The following DNAH14 variants were observed in gnomAD, a reference collection of about 807,000 sequenced individuals.
DNAH14 encodes dynein axonemal heavy chain 14.
In DNAH14, 478 loss-of-function variants were observed where a neutral mutation model predicts 520.9. That is an observed-to-expected ratio of 0.92 (90% CI 0.85 to 0.99). DNAH14 has a LOEUF of 0.99. Among genes scored for constraint, DNAH14 ranks in the 50% least tolerant of loss-of-function variants. The probability of loss-of-function intolerance (pLI) is 0.00; values close to 1 mark genes in which losing one functional copy is unlikely to be tolerated. For missense variants in DNAH14, 4,831 were observed against 5,234.5 expected, an observed-to-expected ratio of 0.92 and a Z score of 2.38; for synonymous variants, 1,581 against 1,757.2, an observed-to-expected ratio of 0.90 and a Z score of 2.51.
rs140044566 is a variant in DNAH14 at position 224,940,410 on chromosome 1, G to T, written c.-34+10575G>T. Among the ~76,000 whole-genome samples the T allele has an allele frequency of 4.4e-4, 67 of 152,150 alleles. No homozygotes were observed. In the Middle Eastern group the frequency reaches 0.014, roughly 31 times the overall value. On this transcript the variant is annotated intron_variant, in intron 1 of 85. Coordinates refer to ENST00000682510, the MANE Select transcript of DNAH14 (RefSeq NM_001367479.1). ...ATCCATGTATATCAATCAATTAATG[G>T]TGGTTATCTTTGGATACTGTGTATT...
chr1:225,173,930 A>T (rs1353814639), intron 36 of DNAH14, among the ~76,000 whole-genome samples: 1 of 152,264 alleles, frequency 6.6e-6, no homozygotes, highest in Admixed American at 6.5e-5. Flanking sequence ...CTATGCAGGC[A>T]TAAAAAAATG....
Position 225,398,512 on chromosome 1 carries a change from C to A in DNAH14, c.13492-8C>A. On this transcript the variant is annotated splice_region_variant and splice_polypyrimidine_tract_variant and intron_variant, in intron 84 of 85. Coordinates refer to ENST00000682510, the MANE Select transcript of DNAH14 (RefSeq NM_001367479.1). Reference sequence around the variant, plus strand: ...GGGATCCCTGACACCACCTCTCTTCCATCTTAGGGCTCAGCTTCCTCTCAC... The same window carrying A: ...GGGATCCCTGACACCACCTCTCTTCAATCTTAGGGCTCAGCTTCCTCTCAC... The A allele has an allele frequency of 6.4e-7, 1 of 1,551,382 alleles. No individual in the cohort carries two copies.
intron 8 of DNAH14, among the ~76,000 whole-genome samples, chr1:224,990,340 A>G (rs1041791671): frequency 2.6e-5 from 4 of 152,174 alleles, no homozygotes; most frequent in African/African-American, 9.7e-5. Flanking sequence ...ATTTACTCTT[A>G]GCACTTTTGA....
chr1:225,373,134 A>G (rs1047373694), intron 77 of DNAH14, among the ~76,000 whole-genome samples: 2 of 145,562 alleles, frequency 1.4e-5, no homozygotes, highest in African/African-American at 4.9e-5. Context: ...TGTATTGTCC[A>G]ATTGCGGCAC....
chr1:225,178,006 C>G (rs1282397887), intron 36 of DNAH14, among the ~76,000 whole-genome samples: 5 of 152,160 alleles, frequency 3.3e-5, no homozygotes, highest in Admixed American at 6.5e-5. Flanking sequence ...AGAAAAGAGG[C>G]TGTACCCTGC....
At chr1:225,205,868 C>T (rs1228105154) in intron 39 of DNAH14, 103 bp from the exon 40 acceptor site, 2 of 927,742 alleles carry the variant, frequency 2.2e-6, no homozygotes, top group African/African-American at 1.7e-5. Context: ...GGATATCTTT[C>T]CTCTTAGAAA....
chr1:225,196,745 T>C (rs1168459661), intron 38 of DNAH14, among the ~76,000 whole-genome samples: 1 of 152,234 alleles, frequency 6.6e-6, no homozygotes, highest in Non-Finnish European at 1.5e-5. Context: ...GGTTTTGATT[T>C]GCATTACCCT....
In DNAH14 at chr1:225,337,284, C is replaced by T. The variant is rs774697565; in HGVS notation, c.10099C>T (p.Gln3367Ter). The T allele has an allele frequency of 6.4e-7, 1 of 1,551,812 alleles. No individual in the cohort carries two copies. Among genetic ancestry groups the T allele is most frequent in the Non-Finnish European group, 8.7e-7 (1 of 1,146,894 alleles). ...ATTGCAGATCAGCCGATGGCATAAT[C>T]AGGGACTGCCTCATGGTCAGTATTC... ...QKYEISRWHN[Q>*]GLPHGQYSVE... The change falls in exon 67 of 86, where the codon CAG becomes TAG. Residue 3367 changes from glutamine (Q) to a stop codon, truncating the protein, a stop_gained. Transcript: ENST00000682510. LOFTEE classifies it high-confidence loss of function.
intron 1 of DNAH14, among the ~76,000 whole-genome samples, chr1:224,934,293 A>G (rs1247680517): frequency 6.6e-6 from 1 of 152,018 alleles, no homozygotes; most frequent in Non-Finnish European, 1.5e-5. Flanking sequence ...CAGAAGAATA[A>G]TTTAGGACAT....
At chr1:225,346,993 A>G (rs2095295428) in intron 71 of DNAH14, among the ~76,000 whole-genome samples, 1 of 152,218 alleles carries the variant, frequency 6.6e-6, no homozygotes, top group East Asian at 1.9e-4. Flanking sequence ...ACCTGGTTGA[A>G]AATTTGAAAC....
chr1:225,197,217 A>T (rs902188666), intron 38 of DNAH14, among the ~76,000 whole-genome samples: 4 of 152,152 alleles, frequency 2.6e-5, no homozygotes, highest in Non-Finnish European at 4.4e-5. Context: ...TGATTTTTAT[A>T]TAAGGTGAGA....
intron 6 of DNAH14, among the ~76,000 whole-genome samples, chr1:224,968,250 T>G (rs1431322798): frequency 6.6e-6 from 1 of 152,116 alleles, no homozygotes; most frequent in African/African-American, 2.4e-5. Flanking sequence ...TATGTATACT[T>G]TTCTCTCTGG....
At chr1:224,947,948 T>C (rs1476773290) in intron 1 of DNAH14, among the ~76,000 whole-genome samples, 1 of 152,112 alleles carries the variant, frequency 6.6e-6, no homozygotes, top group Non-Finnish European at 1.5e-5. Context: ...TATGATCCAG[T>C]AGGTGGTTGA....
chr1:225,147,287 T>G, intron 31 of DNAH14, 38 bp downstream of exon 31: 9 of 1,499,198 alleles, frequency 6.0e-6, no homozygotes, highest in Non-Finnish European at 8.0e-6. Context: ...TGAATTGAAA[T>G]CTGATACACA....
intron 36 of DNAH14, among the ~76,000 whole-genome samples, chr1:225,179,158 C>G (rs1182872770): frequency 1.3e-5 from 2 of 151,884 alleles, no homozygotes; most frequent in Non-Finnish European, 2.9e-5. Flanking sequence ...CAGTCAATCT[C>G]TCCCTTTAGA....
chr1:225,109,247 G>A (rs112786025), intron 23 of DNAH14, among the ~76,000 whole-genome samples: 6,354 of 152,136 alleles, frequency 0.042, 219 homozygotes, highest in Non-Finnish European at 0.062. Flanking sequence ...CTATTTCTGT[G>A]AAGAATGTCA....
chr1:225,006,615 C>T (rs1380233060), intron 9 of DNAH14, among the ~76,000 whole-genome samples: 2 of 152,164 alleles, frequency 1.3e-5, no homozygotes, highest in East Asian at 1.9e-4. Flanking sequence ...TAGGAAATTC[C>T]AGCCTGGTGA....
intron 43 of DNAH14, among the ~76,000 whole-genome samples, chr1:225,249,721 A>T (rs1159524908): frequency 6.6e-6 from 1 of 152,196 alleles, no homozygotes; most frequent in Admixed American, 6.5e-5. Flanking sequence ...TCGTCTTTCC[A>T]TTATGATCTC....
intron 28 of DNAH14, among the ~76,000 whole-genome samples, chr1:225,141,266 T>C (rs2079432679): frequency 6.6e-6 from 1 of 152,092 alleles, no homozygotes; most frequent in Admixed American, 6.6e-5. Flanking sequence ...AATAAGATAT[T>C]TAGAGAGACA....
Sources: allele counts gnomAD v4.1 joint callset (sites outside exome capture counted in the v4.1 genomes callset), GRCh38; gene constraint gnomAD v4.1.1; transcripts MANE v1.5; gene names NCBI Gene and HGNC (gene_info 2026-07-23, HGNC 2026-07-21).